Variants in WWOX observed in about 807,000 individuals in gnomAD.
The protein encoded by WWOX is WW domain containing oxidoreductase.
WWOX carries 69 observed loss-of-function variants against 46.2 expected under a neutral mutation model. The observed-to-expected ratio is 1.49, with a 90% confidence interval of 1.23 to 1.82. The LOEUF (loss-of-function observed/expected upper bound fraction) is 1.82, where lower values mean the gene tolerates loss of function less well. WWOX is among the 40% of genes most tolerant of loss of function. The pLI is 0.00. For synonymous variants in WWOX, 359 were observed against 202.6 expected (o/e 1.77, Z -6.56); for missense variants, 919 against 542.6 (o/e 1.69, Z -6.89).
chr16:78,188,258 G>A (rs2035770938), intron 5 of WWOX, among the ~76,000 whole-genome samples: 1 of 152,126 alleles, frequency 6.6e-6, no homozygotes, highest in Admixed American at 6.5e-5. Context: ...GGGAGGCCGA[G>A]GCGGGCAGAT....
At chr16:78,869,762 G>A (rs1282610509) in intron 8 of WWOX, among the ~76,000 whole-genome samples, 2 of 152,190 alleles carry the variant, frequency 1.3e-5, no homozygotes, top group African/African-American at 4.8e-5. Context: ...AATAAGTCTT[G>A]CTCGCAGATA....
chr16:78,747,130 G>C (rs942610747), intron 8 of WWOX, among the ~76,000 whole-genome samples: 1 of 151,744 alleles, frequency 6.6e-6, no homozygotes, highest in African/African-American at 2.4e-5. Context: ...TCTGCTTCAA[G>C]GCTTTTGTAC....
intron 8 of WWOX, among the ~76,000 whole-genome samples, chr16:79,176,937 C>G (rs1198146015): frequency 6.6e-6 from 1 of 152,156 alleles, no homozygotes; most frequent in Non-Finnish European, 1.5e-5. Context: ...CACCCTTTCC[C>G]TCTCATCAGT....
At chr16:79,073,730 G>A (rs1444191157) in intron 8 of WWOX, among the ~76,000 whole-genome samples, 1 of 152,088 alleles carries the variant, frequency 6.6e-6, no homozygotes, top group Non-Finnish European at 1.5e-5. Context: ...TAGTAAATGG[G>A]ACGTTAGCAG....
chr16:78,578,274 A>ATTTTTTTT (rs2044947905), intron 8 of WWOX, among the ~76,000 whole-genome samples: 1 of 31,196 alleles, frequency 3.2e-5, no homozygotes, highest in African/African-American at 1.2e-4. Flanking sequence ...ATATATATAT[A>ATTTTTTTT]TATATATATA....
intron 4 of WWOX, among the ~76,000 whole-genome samples, chr16:78,163,119 T>G (rs1456874180): frequency 6.6e-6 from 1 of 152,136 alleles, no homozygotes; most frequent in African/African-American, 2.4e-5. Context: ...TTTGGTGAAG[T>G]TTTTTCTTTT....
At chr16:78,285,799 G>A (rs773878208) in intron 5 of WWOX, among the ~76,000 whole-genome samples, 3 of 152,068 alleles carry the variant, frequency 2.0e-5, no homozygotes, top group Non-Finnish European at 2.9e-5. Flanking sequence ...TCTCTTCTTT[G>A]TCAGGCCTGT....
intron 8 of WWOX, among the ~76,000 whole-genome samples, chr16:78,735,303 T>A (rs1193473487): frequency 6.7e-6 from 1 of 149,558 alleles, no homozygotes; most frequent in African/African-American, 2.5e-5. Context: ...ATCTTGAGAC[T>A]TTTTCTTATT....
intron 8 of WWOX, among the ~76,000 whole-genome samples, chr16:78,958,038 C>T (rs1011464528): frequency 2.0e-5 from 3 of 152,144 alleles, no homozygotes; most frequent in Non-Finnish European, 4.4e-5. Flanking sequence ...TTTTCTGGCG[C>T]GTGGTATGCC....
At chr16:78,735,394 AACACACACACACACACAC>A (rs35975130) in intron 8 of WWOX, among the ~76,000 whole-genome samples, 1 of 121,274 alleles carries the variant, frequency 8.2e-6, no homozygotes, top group African/African-American at 3.1e-5. Flanking sequence ...ACCACACACA[AACACACACACACACACAC>A]ACACACACAC....
At chr16:79,177,126 G>T (rs920106059) in intron 8 of WWOX, among the ~76,000 whole-genome samples, 2 of 152,192 alleles carry the variant, frequency 1.3e-5, no homozygotes, top group Non-Finnish European at 2.9e-5. Context: ...GTCCTTCTGA[G>T]GCACTGTTTT....
At chr16:78,679,344 A>C (rs2047675933) in intron 8 of WWOX, among the ~76,000 whole-genome samples, 1 of 152,138 alleles carries the variant, frequency 6.6e-6, no homozygotes, top group Non-Finnish European at 1.5e-5. Flanking sequence ...TGAGGTCAGG[A>C]GTTCGAGACC....
At chr16:78,744,291 C>G (rs1222467380) in intron 8 of WWOX, among the ~76,000 whole-genome samples, 4 of 152,058 alleles carry the variant, frequency 2.6e-5, no homozygotes, top group African/African-American at 9.7e-5. Flanking sequence ...GCTATAACTG[C>G]AAGGTGTGTC....
chr16:78,619,361 C>CA (rs375477648), intron 8 of WWOX, among the ~76,000 whole-genome samples: 18,525 of 70,622 alleles, frequency 0.26, 3,376 homozygotes, highest in African/African-American at 0.49. Context: ...GACGCCATCT[C>CA]AAAAAAAAAA....
chr16:78,922,551 G>C (rs745375527), intron 8 of WWOX, among the ~76,000 whole-genome samples: 4 of 151,978 alleles, frequency 2.6e-5, no homozygotes, highest in Admixed American at 2.6e-4. Flanking sequence ...GCTAATTTTT[G>C]TATTTTTAGT....
intron 8 of WWOX, among the ~76,000 whole-genome samples, chr16:78,788,464 C>A (rs990683041): frequency 8.5e-5 from 13 of 152,148 alleles, no homozygotes; most frequent in African/African-American, 3.1e-4. Flanking sequence ...GCCTTATGCC[C>A]TGGGGAAAGG....
intron 8 of WWOX, among the ~76,000 whole-genome samples, chr16:79,164,497 G>A (rs996279099): frequency 6.6e-6 from 1 of 151,460 alleles, no homozygotes; most frequent in Non-Finnish European, 1.5e-5. Flanking sequence ...TGGGGGGATG[G>A]GGGGAGGCCA....
At chr16:78,443,929 G>A (rs570398824) in intron 8 of WWOX, among the ~76,000 whole-genome samples, 41 of 152,194 alleles carry the variant, frequency 2.7e-4, no homozygotes, top group Admixed American at 2.4e-3. Context: ...TGATTAAACC[G>A]AGGCCAAGAG....
intron 8 of WWOX, among the ~76,000 whole-genome samples, chr16:78,860,563 T>TG (rs2052692622): frequency 6.6e-6 from 1 of 152,144 alleles, no homozygotes; most frequent in Admixed American, 6.5e-5. Flanking sequence ...AAAGATACTG[T>TG]GAAAAAGAAA....
Sources: gnomAD v4.1 joint callset for allele counts (sites outside exome capture counted in the v4.1 genomes callset) on GRCh38, gnomAD v4.1.1 for gene constraint, MANE v1.5 for transcripts, NCBI Gene and HGNC (gene_info 2026-07-23, HGNC 2026-07-21) for gene names.